ATE1: variants seen among roughly 807,000 people sequenced by gnomAD.
The protein encoded by ATE1 is arginyltransferase 1.
Under a neutral mutation model 70.5 loss-of-function variants are expected in ATE1, and 36 were observed. That is an observed-to-expected ratio of 0.51 (90% CI 0.39 to 0.67). The LOEUF is 0.67. ATE1 is among the 30% of genes least tolerant of loss of function. ATE1 has a pLI of 0.00. For synonymous variants in ATE1, 232 were observed against 219.3 expected, an observed-to-expected ratio of 1.06 and a Z score of -0.51; for missense variants, 593 against 629.5, an observed-to-expected ratio of 0.94 and a Z score of 0.62.
intron 7 of ATE1, among the ~76,000 whole-genome samples, chr10:121,879,767 A>T (rs1950171567): frequency 6.6e-6 from 1 of 152,190 alleles, no homozygotes. Context: ...AGTAAGGAAG[A>T]CCCAGTAATG....
At chr10:121,839,816 T>C (rs988573449) in intron 9 of ATE1, among the ~76,000 whole-genome samples, 3 of 152,206 alleles carry the variant, frequency 2.0e-5, no homozygotes, top group Non-Finnish European at 2.9e-5. Context: ...AAATCACTTA[T>C]GGACCAGATT....
intron 5 of ATE1, among the ~76,000 whole-genome samples, chr10:121,905,965 A>G (rs1353635069): frequency 6.6e-6 from 1 of 152,206 alleles, no homozygotes; most frequent in African/African-American, 2.4e-5. Context: ...CACTATACCA[A>G]CCCTGCACCC....
At chr10:121,809,217 T>C (rs1035609837) in intron 10 of ATE1, among the ~76,000 whole-genome samples, 8 of 152,210 alleles carry the variant, frequency 5.3e-5, no homozygotes, top group Non-Finnish European at 1.0e-4. Context: ...TCAGCTGTTT[T>C]CCTTGAAGTG....
chr10:121,748,186 C>T (rs1171468024), intron 11 of ATE1, among the ~76,000 whole-genome samples: 2 of 152,144 alleles, frequency 1.3e-5, no homozygotes, highest in Non-Finnish European at 2.9e-5. Flanking sequence ...GACAGATATA[C>T]TTTAAGACCC....
At chr10:121,815,067 T>G (rs1162289510) in intron 10 of ATE1, among the ~76,000 whole-genome samples, 1 of 152,224 alleles carries the variant, frequency 6.6e-6, no homozygotes, top group Non-Finnish European at 1.5e-5. Flanking sequence ...AACAATGATT[T>G]ACATATACTA....
chr10:121,837,294 A>G (rs1195358975), intron 9 of ATE1, among the ~76,000 whole-genome samples: 1 of 152,236 alleles, frequency 6.6e-6, no homozygotes. Context: ...TTATCTAGGC[A>G]CAACTTTAAT....
chr10:121,921,455 G>A (rs898099800), intron 3 of ATE1, among the ~76,000 whole-genome samples: 2 of 150,952 alleles, frequency 1.3e-5, no homozygotes, highest in Admixed American at 1.3e-4. Context: ...GTGCTCTGGA[G>A]ATTCTCCCAG....
Position 121,915,655 on chromosome 10 carries a change from C to T in ATE1, c.234-1762G>A, listed in dbSNP as rs113494361. ...CTGTAATCCCAGCACTTTGGGAGGCCGAGGCAGGCGGATCACGAGGTCAGG... is the reference window on the plus strand; with the variant it reads ...CTGTAATCCCAGCACTTTGGGAGGCTGAGGCAGGCGGATCACGAGGTCAGG... On this transcript the variant is annotated intron_variant, in intron 3 of 11. Transcript: ENST00000224652. Among the ~76,000 whole-genome samples, 916 of 151,960 alleles carry T rather than the reference C, an allele frequency of 6.0e-3. 10 individuals are homozygous for T. The highest frequency in any genetic ancestry group is 0.021 in the African/African-American group (858 of 41,456).
chr10:121,874,610 T>C lies in ATE1; in HGVS notation c.943-4572A>G, dbSNP rs1949970797. ...CCCTAAATTCATTTTTTTATAGCTA[T>C]TCTCTATCCCAATTGCAAGCAACGT... On this transcript the variant is annotated intron_variant, in intron 7 of 11. Coordinates refer to ENST00000224652, the MANE Select transcript of ATE1 (RefSeq NM_001001976.3). Among the ~76,000 whole-genome samples, 3 of 152,198 alleles carry C rather than the reference T, an allele frequency of 2.0e-5. 1 individual carries two copies. In the South Asian group the frequency reaches 6.2e-4, roughly 32 times the overall value.
chr10:121,857,228 C>T (rs1206392621), intron 8 of ATE1, among the ~76,000 whole-genome samples: 1 of 152,124 alleles, frequency 6.6e-6, no homozygotes, highest in Non-Finnish European at 1.5e-5. Flanking sequence ...GTAGTTAAGC[C>T]TAGTACCCAA....
At chr10:121,845,436 C>T (rs1590466588) in intron 8 of ATE1, among the ~76,000 whole-genome samples, 1 of 152,136 alleles carries the variant, frequency 6.6e-6, no homozygotes, top group Non-Finnish European at 1.5e-5. Context: ...TTTGCAGCAT[C>T]CCAGGAAGAA....
At chr10:121,802,147 T>C (rs1441714475) in intron 10 of ATE1, among the ~76,000 whole-genome samples, 2 of 152,118 alleles carry the variant, frequency 1.3e-5, no homozygotes, top group African/African-American at 4.8e-5. Flanking sequence ...TCACAGCCCT[T>C]TTGCCAAAGC....
At chr10:121,878,813 C>G (rs1950141433) in intron 7 of ATE1, among the ~76,000 whole-genome samples, 1 of 152,100 alleles carries the variant, frequency 6.6e-6, no homozygotes, top group Non-Finnish European at 1.5e-5. Context: ...CTTTTACATA[C>G]TGAGATCCAA....
At chr10:121,839,487 T>C (rs538247729) in intron 9 of ATE1, among the ~76,000 whole-genome samples, 1 of 152,304 alleles carries the variant, frequency 6.6e-6, no homozygotes, top group East Asian at 1.9e-4. Context: ...TTGACTGATT[T>C]AGGTACAAAG....
chr10:121,754,408 A>G (rs1205940722), intron 11 of ATE1, among the ~76,000 whole-genome samples: 2 of 152,350 alleles, frequency 1.3e-5, no homozygotes, highest in African/African-American at 4.8e-5. Context: ...AAAAGAAAAC[A>G]TGAGTCACCC....
intron 5 of ATE1, among the ~76,000 whole-genome samples, chr10:121,906,356 CCTCT>C (rs961513327): frequency 6.6e-6 from 1 of 151,968 alleles, no homozygotes; most frequent in Non-Finnish European, 1.5e-5. Flanking sequence ...GGCAAAACCC[CCTCT>C]CTACTAAAAA....
intron 10 of ATE1, among the ~76,000 whole-genome samples, chr10:121,791,004 A>C (rs375143891): frequency 6.6e-6 from 1 of 151,052 alleles, no homozygotes; most frequent in Non-Finnish European, 1.5e-5. Context: ...ATATATGTGT[A>C]TATATGTATA....
chr10:121,853,994 C>T (rs1248600947), intron 8 of ATE1, among the ~76,000 whole-genome samples: 1 of 152,116 alleles, frequency 6.6e-6, no homozygotes, highest in Non-Finnish European at 1.5e-5. Context: ...TTCCAAAAGG[C>T]CTCACCTCTT....
chr10:121,740,781 C>T lies in ATE1; in HGVS notation c.*2899G>A, dbSNP rs569895149. The T allele has an allele frequency of 3.9e-5, 6 of 152,190 alleles. No homozygotes were observed. The highest frequency in any genetic ancestry group is 1.2e-4 in the African/African-American group (5 of 41,542). 9.4% of individuals were successfully genotyped at this position (152,190 alleles called of 1,614,324 possible). On this transcript the variant is annotated 3_prime_UTR_variant, in exon 12 of 12. Coordinates refer to ENST00000224652, the MANE Select transcript of ATE1 (RefSeq NM_001001976.3). ...TTCTGACACGTTAAGAAACTACACA[C>T]AACAAATATTTGCAAAATGAATGAA...
Sources: allele counts gnomAD v4.1 joint callset (sites outside exome capture counted in the v4.1 genomes callset), GRCh38; gene constraint gnomAD v4.1.1; transcripts MANE v1.5; gene names NCBI Gene and HGNC (gene_info 2026-07-23, HGNC 2026-07-21).